COL21A1: variants seen among roughly 807,000 people sequenced by gnomAD.
COL21A1 encodes the protein collagen type XXI alpha 1 chain.
A neutral mutation model predicts 137.9 loss-of-function variants in COL21A1; 149 were observed. The observed-to-expected ratio is 1.08, with a 90% CI of 0.95 to 1.24. COL21A1 has a LOEUF of 1.24. Ranked by LOEUF, COL21A1 falls within the 50% of genes most tolerant of loss-of-function variation. The pLI, the probability that COL21A1 is intolerant of heterozygous loss-of-function variation, is 0.00. For synonymous variants in COL21A1, 456 were observed against 391.5 expected, an observed-to-expected ratio of 1.16 and a Z score of -1.95; for missense variants, 1,167 against 1,158.4, an observed-to-expected ratio of 1.01 and a Z score of -0.11.
At chr6:56,173,432 A>G (rs970934324) in intron 3 of COL21A1, among the ~76,000 whole-genome samples, 2 of 151,816 alleles carry the variant, frequency 1.3e-5, no homozygotes, top group East Asian at 1.9e-4. Flanking sequence ...GGAAGGGGGG[A>G]AAAGGGAAAA....
chr6:56,352,964 C>T (rs1001493873), intron 1 of COL21A1, among the ~76,000 whole-genome samples: 13 of 152,052 alleles, frequency 8.5e-5, no homozygotes, highest in Non-Finnish European at 1.8e-4. Context: ...TCACTTGAAT[C>T]GGGGAAGTGG....
chr6:56,233,776 A>T (rs933340866), intron 1 of COL21A1, among the ~76,000 whole-genome samples: 12 of 146,260 alleles, frequency 8.2e-5, no homozygotes, highest in African/African-American at 1.3e-4. Flanking sequence ...ATTTTTGTGA[A>T]AAGTTATAAT....
intron 14 of COL21A1, among the ~76,000 whole-genome samples, chr6:56,124,514 T>C (rs377472415): frequency 1.1e-4 from 16 of 152,308 alleles, no homozygotes; most frequent in African/African-American, 3.8e-4. Flanking sequence ...ATTACAAGCA[T>C]CTAAACATAG....
At chr6:56,381,601 G>C (rs551931973) in intron 1 of COL21A1, among the ~76,000 whole-genome samples, 1 of 152,148 alleles carries the variant, frequency 6.6e-6, no homozygotes, top group Non-Finnish European at 1.5e-5. Flanking sequence ...ACACAGCAAG[G>C]GTGTTGTTAT....
At chr6:56,223,855 A>C (rs1266620966) in intron 1 of COL21A1, among the ~76,000 whole-genome samples, 1 of 152,036 alleles carries the variant, frequency 6.6e-6, no homozygotes, top group African/African-American at 2.4e-5. Context: ...AAGATTTTAC[A>C]TTTTATTTTA....
chr6:56,206,774 A>C (rs1188564478), intron 1 of COL21A1, among the ~76,000 whole-genome samples: 1 of 148,710 alleles, frequency 6.7e-6, no homozygotes, highest in Non-Finnish European at 1.5e-5. Context: ...TCTAGAATTG[A>C]CCACATAATT....
At chr6:56,172,101 C>CA (rs1487292856) in intron 3 of COL21A1, among the ~76,000 whole-genome samples, 2 of 148,252 alleles carry the variant, frequency 1.3e-5, no homozygotes, top group Admixed American at 6.7e-5. Context: ...GAAAAGGGGA[C>CA]AAAAAGCTTA....
chr6:56,216,639 G>T (rs1780505685), intron 1 of COL21A1, among the ~76,000 whole-genome samples: 1 of 152,012 alleles, frequency 6.6e-6, no homozygotes, highest in South Asian at 2.1e-4. Context: ...CCAATGCTAG[G>T]TCAACATTAT....
chr6:56,277,376 T>C (rs1364936353), intron 1 of COL21A1, among the ~76,000 whole-genome samples: 1 of 152,186 alleles, frequency 6.6e-6, no homozygotes, highest in East Asian at 1.9e-4. Context: ...TTCCCACCTA[T>C]GAGTGAGAAT....
At chr6:56,375,406 TAGG>T (rs2093997224) in intron 1 of COL21A1, among the ~76,000 whole-genome samples, 1 of 152,142 alleles carries the variant, frequency 6.6e-6, no homozygotes, top group South Asian at 2.1e-4. Context: ...GGAAGAAGGA[TAGG>T]AGGAAAGTGA....
At chr6:56,165,239 GCTT>G (rs1405131028) in intron 7 of COL21A1, among the ~76,000 whole-genome samples, 1 of 152,124 alleles carries the variant, frequency 6.6e-6, no homozygotes, top group Non-Finnish European at 1.5e-5. Context: ...CTTTAGGAGA[GCTT>G]CTCCTAAAAT....
intron 1 of COL21A1, among the ~76,000 whole-genome samples, chr6:56,268,005 C>A (rs1763433880): frequency 6.6e-6 from 1 of 152,144 alleles, no homozygotes; most frequent in African/African-American, 2.4e-5. Context: ...CACTTTGGAT[C>A]CCCCAGCACA....
intron 1 of COL21A1, among the ~76,000 whole-genome samples, chr6:56,201,094 A>T (rs901618608): frequency 1.3e-5 from 2 of 152,032 alleles, no homozygotes; most frequent in Non-Finnish European, 2.9e-5. Context: ...TGGCTGCATA[A>T]ATGTCTTCTT....
chr6:56,243,581 A>G (rs1782473255), intron 1 of COL21A1, among the ~76,000 whole-genome samples: 1 of 152,218 alleles, frequency 6.6e-6, no homozygotes, highest in Non-Finnish European at 1.5e-5. Context: ...AAAGTAAAAT[A>G]ATAGCAAATT....
chr6:56,205,427 A>G (rs148749266), intron 1 of COL21A1, among the ~76,000 whole-genome samples: 2,202 of 152,272 alleles, frequency 0.014, 33 homozygotes, highest in Middle Eastern at 0.037. Context: ...AGAAGACAAG[A>G]TTAGAGAAAA....
chr6:56,162,228 C>T (rs1022033313), intron 9 of COL21A1, among the ~76,000 whole-genome samples: 3 of 152,068 alleles, frequency 2.0e-5, no homozygotes, highest in Non-Finnish European at 4.4e-5. Flanking sequence ...GATAAAGAGT[C>T]CTAAATGGAT....
chr6:56,310,717 C>T (rs967470604), intron 1 of COL21A1, among the ~76,000 whole-genome samples: 2 of 152,168 alleles, frequency 1.3e-5, no homozygotes, highest in South Asian at 2.1e-4. Flanking sequence ...GTAAGTCTTG[C>T]TCAAAAGCTT....
At chr6:56,377,375 A>G (rs2094001284) in intron 1 of COL21A1, among the ~76,000 whole-genome samples, 1 of 150,750 alleles carries the variant, frequency 6.6e-6, no homozygotes, top group Non-Finnish European at 1.5e-5. Context: ...CCCTTCCTCC[A>G]GCAGTGATGG....
chr6:56,166,432 A>T (rs1226487515), intron 7 of COL21A1, among the ~76,000 whole-genome samples: 1 of 152,058 alleles, frequency 6.6e-6, no homozygotes, highest in Non-Finnish European at 1.5e-5. Flanking sequence ...CCGGCGAATC[A>T]CCTGCGGTCA....
Sources: allele counts gnomAD v4.1 joint callset (sites outside exome capture counted in the v4.1 genomes callset), GRCh38; gene constraint gnomAD v4.1.1; transcripts MANE v1.5; gene names NCBI Gene and HGNC (gene_info 2026-07-23, HGNC 2026-07-21).